GPRIN3: variants seen among roughly 807,000 people sequenced by gnomAD.
GPRIN3 encodes GPRIN family member 3.
In GPRIN3, 12 loss-of-function variants were observed where a neutral mutation model predicts 13.7. The observed-to-expected ratio is 0.87, with a 90% CI of 0.56 to 1.42. The LOEUF (loss-of-function observed/expected upper bound fraction) is 1.42, where lower values mean the gene tolerates loss of function less well. GPRIN3 is among the 40% of genes most tolerant of loss of function. The pLI is 0.00. For synonymous variants in GPRIN3, 377 were observed against 372.7 expected (o/e 1.01, Z -0.13); for missense variants, 1,009 against 958.7 (o/e 1.05, Z -0.69).
chr4:89,296,110 T>C (rs1724724294), intron 1 of GPRIN3, among the ~76,000 whole-genome samples: 1 of 152,146 alleles, frequency 6.6e-6, no homozygotes, highest in Non-Finnish European at 1.5e-5. Flanking sequence ...AAATCTGCAG[T>C]CTGAAAAGCA....
At chr4:89,305,159 T>C (rs1400049183) in intron 1 of GPRIN3, among the ~76,000 whole-genome samples, 1 of 152,194 alleles carries the variant, frequency 6.6e-6, no homozygotes, top group African/African-American at 2.4e-5. Context: ...ACCATCTTTA[T>C]GTACTCACAC....
chr4:89,248,402 T>C lies in GPRIN3; in HGVS notation c.1709A>G (p.Glu570Gly), dbSNP rs1185003499. The change falls in exon 2 of 2, where the codon GAA becomes GGA. Residue 570 changes from glutamate (E) to glycine (G), a missense_variant. Transcript: ENST00000609438. ...KTLLLNPKSQ[E>G]SGGTESAANP... is the part of the protein sequence containing the mutation. The stretch of plus-strand genomic sequence containing the variant: ...AGCAGCTGATTCTGTGCCTCCACTT[T>C]CTTGGGATTTAGGATTGAGCAGTAG... The C allele has an allele frequency of 6.2e-7, 1 of 1,614,130 alleles. No individual in the cohort carries two copies.
At chr4:89,302,094 AT>A (rs1724913789) in intron 1 of GPRIN3, among the ~76,000 whole-genome samples, 2 of 152,174 alleles carry the variant, frequency 1.3e-5, no homozygotes, top group Non-Finnish European at 2.9e-5. Context: ...TCCCCACGAT[AT>A]TTCTGCTACG....
rs1724677577 is a variant in GPRIN3, at chr4:89,294,560, T to C, written c.-124+13055A>G. On this transcript the variant is annotated intron_variant, in intron 1 of 1. Coordinates refer to ENST00000609438, the MANE Select transcript of GPRIN3 (RefSeq NM_198281.3). ...AGGCAGGGATGCATCTTCTCATTTT[T>C]ACATCCTCCCATACTGGCACACAGA... 3.3e-5 allele frequency among the ~76,000 whole-genome samples: 5 copies of C among 152,240 alleles called. No homozygotes were observed. The South Asian group carries it at 1.0e-3, about 31-fold the overall frequency.
Position 89,253,779 on chromosome 4 carries a change from GAAATCT to G in GPRIN3, c.-123-3552_-123-3547del, listed in dbSNP as rs539438654. ...ATTGCTTGGCTAAGACCTAGCACTT[GAAATCT>G]CTGTATTTATGCATAGATAACAAAT... On this transcript the variant is annotated intron_variant, in intron 1 of 1. Coordinates refer to ENST00000609438, the MANE Select transcript of GPRIN3 (RefSeq NM_198281.3). 4.0e-3 allele frequency among the ~76,000 whole-genome samples: 606 copies of G among 152,294 alleles called. 1 individual carries two copies. Among genetic ancestry groups the G allele is most frequent in the Non-Finnish European group, 6.8e-3 (461 of 68,008 alleles).
intron 1 of GPRIN3, among the ~76,000 whole-genome samples, chr4:89,263,197 AC>A (rs1723682076): frequency 6.6e-6 from 1 of 152,230 alleles, no homozygotes. Flanking sequence ...CCTTTGTAAA[AC>A]AAACAAATAT....
chr4:89,281,009 A>G (rs907477658), intron 1 of GPRIN3, among the ~76,000 whole-genome samples: 1 of 152,084 alleles, frequency 6.6e-6, no homozygotes, highest in African/African-American at 2.4e-5. Flanking sequence ...GGCATCCGCT[A>G]TGTTTCTGGA....
intron 1 of GPRIN3, among the ~76,000 whole-genome samples, chr4:89,266,050 G>T (rs1263156199): frequency 6.6e-6 from 1 of 152,164 alleles, no homozygotes. Context: ...TTCAGTTGTT[G>T]TAAGGGTGGG....
At chr4:89,276,978 C>G (rs146593717) in intron 1 of GPRIN3, among the ~76,000 whole-genome samples, 243 of 152,228 alleles carry the variant, frequency 1.6e-3, no homozygotes, top group African/African-American at 5.5e-3. Context: ...CTATGTATAA[C>G]AATTTACATT....
rs1722969762 is a variant in GPRIN3, at chr4:89,242,499, T to C, written c.*5281A>G. On this transcript the variant is annotated 3_prime_UTR_variant, in exon 2 of 2. Coordinates refer to ENST00000609438, the MANE Select transcript of GPRIN3 (RefSeq NM_198281.3). ...GACTTTGAGTGGCTCCTCTTCCCTC[T>C]GGGCTCACATAAAAACATAGATGCC... The C allele has an allele frequency of 6.6e-6, 1 of 152,354 alleles. No homozygotes were observed. The highest frequency in any genetic ancestry group is 2.1e-4 in the South Asian group (1 of 4,832). The allele number at this position is 152,354 out of a possible 1,614,324, so 9.4% of individuals were successfully genotyped here. A position where few individuals can be genotyped will look rare whatever the true frequency, so the allele number is the denominator to read the frequency against.
intron 1 of GPRIN3, among the ~76,000 whole-genome samples, chr4:89,286,997 G>A (rs4693990): frequency 0.48 from 73,235 of 151,992 alleles, 20,936 homozygotes; most frequent in Non-Finnish European, 0.63. Flanking sequence ...AGAAGACCCT[G>A]TCTCTAAAAA....
At chr4:89,284,160 G>A (rs1724335306) in intron 1 of GPRIN3, among the ~76,000 whole-genome samples, 1 of 152,216 alleles carries the variant, frequency 6.6e-6, no homozygotes, top group Admixed American at 6.5e-5. Flanking sequence ...CTGGAAAGGT[G>A]TGCTGGGCAG....
chr4:89,304,664 A>T (rs1032586913), intron 1 of GPRIN3, among the ~76,000 whole-genome samples: 5 of 152,086 alleles, frequency 3.3e-5, no homozygotes, highest in African/African-American at 7.2e-5. Flanking sequence ...TGTGTTCCTG[A>T]GTTACTTGTT....
intron 1 of GPRIN3, among the ~76,000 whole-genome samples, chr4:89,290,423 A>G (rs556376054): frequency 3.3e-5 from 5 of 152,242 alleles, no homozygotes; most frequent in African/African-American, 1.2e-4. Context: ...GCAATAGTGT[A>G]TCAGGGACTG....
chr4:89,248,221 G>A lies in GPRIN3; in HGVS notation c.1890C>T (p.Ala630=), dbSNP rs1347822161. ...TGACGCGGCTGGGCCTGCGTGGGCTGGCTTTGACGGAGCGAGATGGGGTCT... is the reference window on the plus strand; with the variant it reads ...TGACGCGGCTGGGCCTGCGTGGGCTAGCTTTGACGGAGCGAGATGGGGTCT... ...GKKTPSRSVK[A]SPRRPSRVSE... is the part of the protein sequence containing the mutation. The change falls in exon 2 of 2, where the codon GCC becomes GCT. Residue 630 remains alanine, a synonymous_variant. Coordinates refer to ENST00000609438, the MANE Select transcript of GPRIN3 (RefSeq NM_198281.3). 6.2e-7 allele frequency: 1 copy of A among 1,614,072 alleles called. No individual in the cohort carries two copies. Among genetic ancestry groups the A allele is most frequent in the East Asian group, 2.2e-5 (1 of 44,892 alleles).
At position 89,245,951 on chromosome 4, in the gene GPRIN3, T is replaced by G. The variant is rs948474876; in HGVS notation, c.*1829A>C. 6.6e-6 allele frequency: 1 copy of G among 152,228 alleles called. No individual in the cohort carries two copies. Among genetic ancestry groups the G allele is most frequent in the African/African-American group, 2.4e-5 (1 of 41,460 alleles). 9.4% of individuals were successfully genotyped at this position (152,228 alleles called of 1,614,324 possible). ...TAAAAAATTCCTTCTAATTTCCAAA[T>G]AGAACAACTGTAACAACTCTCAGGC... On this transcript the variant is annotated 3_prime_UTR_variant, in exon 2 of 2. Transcript: ENST00000609438.
intron 1 of GPRIN3, among the ~76,000 whole-genome samples, chr4:89,256,119 T>TA (rs759386164): frequency 7.2e-5 from 11 of 152,334 alleles, no homozygotes; most frequent in South Asian, 4.1e-4. Flanking sequence ...AACTGAATTC[T>TA]AATGGATGCG....
Position 89,241,380 on chromosome 4 carries a change from A to G in GPRIN3, c.*6400T>C, listed in dbSNP as rs974434458. Reference sequence around the variant, plus strand: ...ATACGACAAGTTATTTTTTTTACACATAAAAATAGAAAACTGATCACTCAG... The same window carrying G: ...ATACGACAAGTTATTTTTTTTACACGTAAAAATAGAAAACTGATCACTCAG... On this transcript the variant is annotated 3_prime_UTR_variant, in exon 2 of 2. Coordinates refer to ENST00000609438, the MANE Select transcript of GPRIN3 (RefSeq NM_198281.3). 10 of 152,214 alleles carry G rather than the reference A, an allele frequency of 6.6e-5. No individual in the cohort carries two copies. The highest frequency in any genetic ancestry group is 1.7e-4 in the African/African-American group (7 of 41,460). The allele number at this position is 152,214 out of a possible 1,614,324, so 9.4% of individuals were successfully genotyped here.
At chr4:89,269,638 C>T (rs1425491065) in intron 1 of GPRIN3, among the ~76,000 whole-genome samples, 1 of 151,992 alleles carries the variant, frequency 6.6e-6, no homozygotes, top group Non-Finnish European at 1.5e-5. Flanking sequence ...GTTAAGATAC[C>T]CATTATTTTG....
Sources: gnomAD v4.1 joint callset for allele counts (sites outside exome capture counted in the v4.1 genomes callset) on GRCh38, gnomAD v4.1.1 for gene constraint, MANE v1.5 for transcripts, NCBI Gene and HGNC (gene_info 2026-07-23, HGNC 2026-07-21) for gene names.